Variants in CAMK1D observed in about 807,000 individuals in gnomAD.
The protein encoded by CAMK1D is calcium/calmodulin dependent protein kinase ID, also known as calcium/calmodulin-dependent protein kinase type 1D.
A neutral mutation model predicts 47.7 loss-of-function variants in CAMK1D; 9 were observed. That is an observed-to-expected ratio of 0.19 (90% confidence interval 0.11 to 0.33). The LOEUF is 0.33. Ranked by LOEUF, CAMK1D falls within the 10% of genes least tolerant of loss-of-function variation. The pLI is 1.00. For missense variants in CAMK1D, 291 were observed against 488.7 expected (o/e 0.60, Z 3.81); for synonymous variants, 184 against 184.9 (o/e 0.99, Z 0.04).
At chr10:12,500,313 C>T (rs939332612) in intron 1 of CAMK1D, among the ~76,000 whole-genome samples, 1 of 152,180 alleles carries the variant, frequency 6.6e-6, no homozygotes, top group African/African-American at 2.4e-5. Flanking sequence ...AAAACGCTGT[C>T]TGACTTCTTT....
chr10:12,745,414 C>T (rs979133431), intron 3 of CAMK1D, among the ~76,000 whole-genome samples: 1 of 151,976 alleles, frequency 6.6e-6, no homozygotes, highest in Non-Finnish European at 1.5e-5. Context: ...TGCGCACGCA[C>T]ACACACACAC....
chr10:12,517,981 T>C (rs1343809447), intron 1 of CAMK1D, among the ~76,000 whole-genome samples: 1 of 152,218 alleles, frequency 6.6e-6, no homozygotes. Context: ...TTTACTTAAA[T>C]TCTTGGTGCA....
At chr10:12,425,537 C>T (rs1840201671) in intron 1 of CAMK1D, among the ~76,000 whole-genome samples, 1 of 152,214 alleles carries the variant, frequency 6.6e-6, no homozygotes, top group Non-Finnish European at 1.5e-5. Flanking sequence ...CTGCCTCGGC[C>T]TCCCAACGTG....
chr10:12,468,972 G>A (rs560210532), intron 1 of CAMK1D, among the ~76,000 whole-genome samples: 5 of 152,070 alleles, frequency 3.3e-5, no homozygotes, highest in Admixed American at 6.5e-5. Flanking sequence ...AATCTCATCT[G>A]CCCTCAGCAG....
At chr10:12,737,542 C>T (rs1330325021) in intron 3 of CAMK1D, among the ~76,000 whole-genome samples, 3 of 152,116 alleles carry the variant, frequency 2.0e-5, no homozygotes, top group Non-Finnish European at 4.4e-5. Context: ...TTGCAAAGTC[C>T]CACCCCACTT....
At chr10:12,752,339 G>A (rs185274806) in intron 3 of CAMK1D, among the ~76,000 whole-genome samples, 35 of 152,248 alleles carry the variant, frequency 2.3e-4, no homozygotes, top group African/African-American at 8.2e-4. Context: ...TGCTAGAAGA[G>A]TTTTAGTAGA....
At chr10:12,556,309 A>C (rs10906170) in intron 2 of CAMK1D, among the ~76,000 whole-genome samples, 1 of 152,082 alleles carries the variant, frequency 6.6e-6, no homozygotes, top group African/African-American at 2.4e-5. Context: ...TTAAATTCTC[A>C]CTGTGCAGCA....
At chr10:12,684,824 G>A (rs1296216284) in intron 3 of CAMK1D, among the ~76,000 whole-genome samples, 1 of 151,882 alleles carries the variant, frequency 6.6e-6, no homozygotes. Context: ...TTAGTGTCAA[G>A]ATCTTTAAAC....
chr10:12,356,003 C>T (rs1837502834), intron 1 of CAMK1D, among the ~76,000 whole-genome samples: 2 of 152,114 alleles, frequency 1.3e-5, no homozygotes, highest in African/African-American at 4.8e-5. Context: ...GCTGTCTGAA[C>T]GTAGACTCTT....
intron 3 of CAMK1D, among the ~76,000 whole-genome samples, chr10:12,717,731 G>GAA (rs11289567): frequency 5.0e-5 from 6 of 121,178 alleles, no homozygotes; most frequent in East Asian, 2.3e-4. Flanking sequence ...ACAAAAAATT[G>GAA]AAAAAAAAAA....
At chr10:12,403,787 G>GT (rs1351516966) in intron 1 of CAMK1D, among the ~76,000 whole-genome samples, 1 of 151,818 alleles carries the variant, frequency 6.6e-6, no homozygotes. Context: ...TTCTAAGTGT[G>GT]TTTTTTCCCC....
intron 4 of CAMK1D, among the ~76,000 whole-genome samples, chr10:12,761,952 G>T (rs2130907572): frequency 6.6e-6 from 1 of 152,296 alleles, no homozygotes; most frequent in East Asian, 1.9e-4. Flanking sequence ...ATGAGGTTTT[G>T]GTATATTGAC....
intron 1 of CAMK1D, among the ~76,000 whole-genome samples, chr10:12,515,402 C>CTTTTTTTTTT (rs772694725): frequency 9.8e-6 from 1 of 102,028 alleles, no homozygotes; most frequent in African/African-American, 3.8e-5. Context: ...TTTTCCTTTT[C>CTTTTTTTTTT]TTTTTTTTTT....
chr10:12,658,659 G>A (rs945119933), intron 2 of CAMK1D, among the ~76,000 whole-genome samples: 7 of 152,062 alleles, frequency 4.6e-5, no homozygotes, highest in South Asian at 2.1e-4. Context: ...GGAATGCACC[G>A]GCAGACCCAC....
At chr10:12,531,754 G>C (rs942045537) in intron 1 of CAMK1D, among the ~76,000 whole-genome samples, 1 of 152,224 alleles carries the variant, frequency 6.6e-6, no homozygotes, top group Admixed American at 6.5e-5. Context: ...CGCCCGGCCT[G>C]TCTCTGTTTT....
chr10:12,630,892 G>A (rs1462911088), intron 2 of CAMK1D, among the ~76,000 whole-genome samples: 1 of 152,164 alleles, frequency 6.6e-6, no homozygotes, highest in African/African-American at 2.4e-5. Flanking sequence ...TGCACCCAGG[G>A]ATCAGTGAGG....
intron 1 of CAMK1D, among the ~76,000 whole-genome samples, chr10:12,354,416 ATTTTC>A (rs1338145420): frequency 4.9e-4 from 73 of 149,466 alleles, no homozygotes; most frequent in Non-Finnish European, 8.4e-4. Flanking sequence ...ACATGAGATA[ATTTTC>A]TTTTCTTTTC....
chr10:12,793,964 A>G (rs1323291416), intron 6 of CAMK1D, among the ~76,000 whole-genome samples: 1 of 152,242 alleles, frequency 6.6e-6, no homozygotes, highest in African/African-American at 2.4e-5. Flanking sequence ...AGAGAGACTG[A>G]TTAGAAAGTT....
chr10:12,674,826 G>A (rs1840750717), intron 3 of CAMK1D, among the ~76,000 whole-genome samples: 2 of 151,554 alleles, frequency 1.3e-5, no homozygotes, highest in African/African-American at 4.8e-5. Context: ...GAGGTCAGGA[G>A]TTCAAGACTA....
Sources: gnomAD v4.1 joint callset for allele counts (sites outside exome capture counted in the v4.1 genomes callset) on GRCh38, gnomAD v4.1.1 for gene constraint, MANE v1.5 for transcripts, NCBI Gene and HGNC (gene_info 2026-07-23, HGNC 2026-07-21) for gene names.